The following RIBC2 variants were observed in gnomAD, a reference collection of about 807,000 sequenced individuals.
The protein encoded by RIBC2 is RIB43A-like with coiled-coils protein 2.
In RIBC2, 40 loss-of-function variants were observed where a neutral mutation model predicts 44.3. The ratio of observed to expected loss-of-function variants is 0.90; its 90% CI spans 0.70 to 1.18. RIBC2 has a LOEUF of 1.18. Among genes scored for constraint, RIBC2 ranks in the 50% most tolerant of loss-of-function variants. RIBC2 has a pLI of 0.00. For synonymous variants in RIBC2, 171 were observed against 175.0 expected (o/e 0.98, Z 0.18); for missense variants, 459 against 485.5 (o/e 0.95, Z 0.51).
Position 45,421,595 on chromosome 22 carries a change from GTAT to G in RIBC2, c.557-689_557-687del, listed in dbSNP as rs113745883. The stretch of plus-strand genomic sequence containing the variant: ...AATAGTATTATTAATAATAATAATA[GTAT>G]TATTAATAATAATAATGTTATTATT... On this transcript the variant is annotated intron_variant, in intron 3 of 6. Transcript: ENST00000614167. Among the ~76,000 whole-genome samples the G allele has an allele frequency of 1.7e-3, 55 of 32,002 alleles. 1 individual carries two copies. The highest frequency in any genetic ancestry group is 7.9e-3 in the African/African-American group (46 of 5,856). 21.0% of individuals were successfully genotyped at this position (32,002 alleles called of 152,430 possible). A position where few individuals can be genotyped will look rare whatever the true frequency, so the allele number is the denominator to read the frequency against.
At chr22:45,428,117 G>A (rs1237729489) in intron 5 of RIBC2, among the ~76,000 whole-genome samples, 2 of 152,228 alleles carry the variant, frequency 1.3e-5, no homozygotes, top group Admixed American at 1.3e-4. Context: ...GGGAAGGAGA[G>A]GGGAACCCCT....
At position 45,426,082 on chromosome 22, in the gene RIBC2, C is replaced by A; in HGVS notation, c.810C>A (p.Pro270=). 6.2e-7 allele frequency: 1 copy of A among 1,614,002 alleles called. No individual in the cohort carries two copies. Among genetic ancestry groups the A allele is most frequent in the Non-Finnish European group, 8.5e-7 (1 of 1,180,012 alleles). Residue 270 remains proline, a synonymous_variant, in exon 5 of 7, where the codon CCC becomes CCA. Transcript: ENST00000614167. The part of the protein sequence containing the change: ...NPQQAASSFG[P]HRVVPDRWKG... ...AGCAGGCAGCCAGCTCCTTCGGGCCCCACCGCGTGGTCCCTGACCGCTGGA... is the reference window on the plus strand; with the variant it reads ...AGCAGGCAGCCAGCTCCTTCGGGCCACACCGCGTGGTCCCTGACCGCTGGA...
chr22:45,425,800 C>T lies in RIBC2; in HGVS notation c.676-148C>T, dbSNP rs955583968. On this transcript the variant is annotated intron_variant, in intron 4 of 6. Transcript: ENST00000614167. ...AGGGGTTCAAGGACCCACCCACATC[C>T]GTGCCTGACAAGTCTCCCCTCCACC... 34 of 683,020 alleles carry T rather than the reference C, an allele frequency of 5.0e-5. No homozygotes were observed. In the South Asian group the frequency reaches 5.7e-4, roughly 11 times the overall value. The allele number at this position is 683,020 out of a possible 1,614,324, so 42.3% of individuals were successfully genotyped here.
Position 45,413,832 on chromosome 22 carries a change from T to G in RIBC2, c.-55T>G. ...CCTTGCCTGCGCTACAGCTTCCTTA[T>G]TTTCGTCGCCTGTTCTCCTGATCCT... On this transcript the variant is annotated 5_prime_UTR_variant, in exon 1 of 7. Coordinates refer to ENST00000614167, the MANE Select transcript of RIBC2 (RefSeq NM_015653.5). 1.3e-6 allele frequency: 2 copies of G among 1,498,000 alleles called. No individual in the cohort carries two copies. Among genetic ancestry groups the G allele is most frequent in the Non-Finnish European group, 1.8e-6 (2 of 1,117,706 alleles). 92.8% of individuals were successfully genotyped at this position (1,498,000 alleles called of 1,614,324 possible).
At chr22:45,422,184 C>T (rs1303653676) in intron 3 of RIBC2, 106 bp from the exon 4 acceptor site, 1 of 764,024 alleles carries the variant, frequency 1.3e-6, no homozygotes, top group Non-Finnish European at 2.3e-6. Flanking sequence ...TTCCCGTCCT[C>T]ATGCTCATGG....
At chr22:45,425,378 T>C (rs2087524644) in intron 4 of RIBC2, among the ~76,000 whole-genome samples, 1 of 152,188 alleles carries the variant, frequency 6.6e-6, no homozygotes, top group African/African-American at 2.4e-5. Flanking sequence ...AGCCATCTCC[T>C]GACTTTACAG....
At chr22:45,430,080 G>GGACACT (rs1443545649) in intron 5 of RIBC2, among the ~76,000 whole-genome samples, 2 of 152,166 alleles carry the variant, frequency 1.3e-5, no homozygotes, top group Admixed American at 6.5e-5. Context: ...TTACAGCGGG[G>GGACACT]GACACTGAGG....
intron 3 of RIBC2, among the ~76,000 whole-genome samples, chr22:45,418,891 T>C (rs2087451426): frequency 6.6e-6 from 1 of 152,148 alleles, no homozygotes; most frequent in Non-Finnish European, 1.5e-5. Flanking sequence ...CTGGCCAACC[T>C]CACCAGTGAC....
Position 45,418,689 on chromosome 22 carries a change from G to A in RIBC2, c.556+743G>A, listed in dbSNP as rs1282332753. On this transcript the variant is annotated intron_variant, in intron 3 of 6. Coordinates refer to ENST00000614167, the MANE Select transcript of RIBC2 (RefSeq NM_015653.5). ...ACAAAACAGGGACCAGGCACAGAGAGGAATGCACTCCGCCTTCTTGAGCGC... is the reference window on the plus strand; with the variant it reads ...ACAAAACAGGGACCAGGCACAGAGAAGAATGCACTCCGCCTTCTTGAGCGC... 2.0e-5 allele frequency among the ~76,000 whole-genome samples: 3 copies of A among 152,158 alleles called. No individual in the cohort carries two copies. The East Asian group carries it at 5.8e-4, about 29-fold the overall frequency.
chr22:45,426,035 G>C lies in RIBC2; in HGVS notation c.763G>C (p.Asp255His). ...LAEITNLLRG[D>H]LLSENPQQAA... ...CGAGATCACCAACCTCCTGCGTGGG[G>C]ACCTGCTCTCCGAGAACCCGCAGCA... is the stretch of plus-strand genomic sequence containing the variant. The change falls in exon 5 of 7, where the codon GAC (aspartate) becomes CAC (histidine). Residue 255 changes from aspartate (D) to histidine (H), a missense_variant. Physicochemically the swap from Asp to His is moderately conservative, Grantham distance 81 (BLOSUM62 -1). Coordinates refer to ENST00000614167, the MANE Select transcript of RIBC2 (RefSeq NM_015653.5). The C allele has an allele frequency of 6.2e-7, 1 of 1,614,050 alleles. No individual in the cohort carries two copies. The highest frequency in any genetic ancestry group is 8.5e-7 in the Non-Finnish European group (1 of 1,180,004).
In RIBC2 at chr22:45,417,589, G is replaced by T; in HGVS notation, c.212-13G>T. 6.3e-7 allele frequency: 1 copy of T among 1,587,748 alleles called. No homozygotes were observed. The highest frequency in any genetic ancestry group is 8.6e-7 in the Non-Finnish European group (1 of 1,157,158). ...TGAATCCTAAGCTTATGGATATGCT[G>T]TATCTCTTCCAGCTGCTGAAATGAG... On this transcript the variant is annotated splice_polypyrimidine_tract_variant and intron_variant, in intron 2 of 6. Coordinates refer to ENST00000614167, the MANE Select transcript of RIBC2 (RefSeq NM_015653.5).
intron 1 of RIBC2, 66 bp downstream of exon 1, chr22:45,414,081 GA>G: frequency 1.3e-6 from 2 of 1,538,014 alleles, no homozygotes. Flanking sequence ...CGTGGAGGGG[GA>G]AAGGAGATGA....
intron 5 of RIBC2, 29 bp downstream of exon 5, chr22:45,426,204 C>A (rs751863423): frequency 6.3e-7 from 1 of 1,584,500 alleles, no homozygotes; most frequent in Non-Finnish European, 8.6e-7. Context: ...TTTCCAGAGC[C>A]CATAGAGCCA....
At position 45,417,597 on chromosome 22, in the gene RIBC2, T is replaced by TC. The variant is rs1427786467; in HGVS notation, c.212-3dup. The stretch of plus-strand genomic sequence containing the variant: ...AAGCTTATGGATATGCTGTATCTCT[T>TC]CCAGCTGCTGAAATGAGGCAAAATG... On this transcript the variant is annotated splice_region_variant and splice_polypyrimidine_tract_variant and intron_variant, in intron 2 of 6. Transcript: ENST00000614167. 5 of 1,604,768 alleles carry TC rather than the reference T, an allele frequency of 3.1e-6. No homozygotes were observed. Among genetic ancestry groups the TC allele is most frequent in the Non-Finnish European group, 4.3e-6 (5 of 1,171,934 alleles).
At chr22:45,414,443 G>T in intron 2 of RIBC2, 40 bp downstream of exon 2, 1 of 1,431,222 alleles carries the variant, frequency 7.0e-7, no homozygotes, top group African/African-American at 1.4e-5. Context: ...GTTTAGGATT[G>T]TGTGGCTTTA....
rs759680248 is a variant in RIBC2, at chr22:45,430,918, C to T, written c.922C>T (p.Arg308Cys). 6 of 1,595,054 alleles carry T rather than the reference C, an allele frequency of 3.8e-6. No individual in the cohort carries two copies. Among genetic ancestry groups the T allele is most frequent in the South Asian group, 2.2e-5 (2 of 89,030 alleles). Residue 308 changes from arginine (R) to cysteine (C), a missense_variant, in exon 6 of 7, where the codon CGC becomes TGC. By Grantham distance (180) the Arg-to-Cys change is radical (BLOSUM62 -3). Transcript: ENST00000614167. ...CTTCCAGAGGCTCCAGGAAGAAAAG[C>T]GCCAGCGAGACCTGGACTGGGACCG... ...QEKLRLQEEK[R>C]QRDLDWDRRR...
chr22:45,418,038 T>G (rs1024333643), intron 3 of RIBC2, 92 bp downstream of exon 3: 20 of 936,860 alleles, frequency 2.1e-5, no homozygotes, highest in South Asian at 1.8e-4. Flanking sequence ...CCCTACAGTT[T>G]TTTTTTTTTT....
At position 45,413,722 on chromosome 22, in the gene RIBC2, G is replaced by C; in HGVS notation, c.-165G>C. 1 of 1,162,342 alleles carries C rather than the reference G, an allele frequency of 8.6e-7. No individual in the cohort carries two copies. Among genetic ancestry groups the C allele is most frequent in the Non-Finnish European group, 1.2e-6 (1 of 823,240 alleles). 72.0% of individuals were successfully genotyped at this position (1,162,342 alleles called of 1,614,324 possible). On this transcript the variant is annotated 5_prime_UTR_variant, in exon 1 of 7. Coordinates refer to ENST00000614167, the MANE Select transcript of RIBC2 (RefSeq NM_015653.5). ...TTGACATTTCCGAGAGAGCGGGAGC[G>C]TCTGTACCTCTGCGGCGTCACTGGG...
chr22:45,421,580 TTAATAATAATAATAGTATTATTAA>T (rs2087484438), intron 3 of RIBC2, among the ~76,000 whole-genome samples: 1 of 27,766 alleles, frequency 3.6e-5, no homozygotes, highest in African/African-American at 4.6e-4. Context: ...AATAGTATTA[TTAATAATAATAATAGTATTATTAA>T]TAATAATAAT....
Sources: allele counts gnomAD v4.1 joint callset (sites outside exome capture counted in the v4.1 genomes callset), GRCh38; gene constraint gnomAD v4.1.1; transcripts MANE v1.5; gene names NCBI Gene and HGNC (gene_info 2026-07-23, HGNC 2026-07-21).